The following CFAP107 variants were observed in gnomAD, a reference collection of about 807,000 sequenced individuals.
CFAP107 encodes cilia- and flagella-associated protein 107.
the CFAP107 span, among the ~76,000 whole-genome samples, chr1:12,749,049 A>G: frequency 2.6e-5 from 4 of 152,182 alleles, no homozygotes; most frequent in Non-Finnish European, 2.9e-5. Context: ...GCAGATTAAT[A>G]CATGCATTAA....
the CFAP107 span, among the ~76,000 whole-genome samples, chr1:12,754,508 TG>T: frequency 6.6e-6 from 1 of 152,232 alleles, no homozygotes; most frequent in African/African-American, 2.4e-5. Context: ...CACTTCTGGT[TG>T]TATGCCTAAA....
At chr1:12,755,839 C>A in the CFAP107 span, 2 of 1,516,524 alleles carry the variant, frequency 1.3e-6, no homozygotes, top group East Asian at 2.3e-5. Context: ...AACTGGGACA[C>A]TCAGGCCTGG....
the CFAP107 span, chr1:12,755,708 A>G: frequency 2.1e-4 from 340 of 1,609,778 alleles, 4 homozygotes; most frequent in South Asian, 3.5e-3. Flanking sequence ...AGTTCACCAG[A>G]GACACTGACA....
the CFAP107 span, chr1:12,763,275 G>A: frequency 6.6e-6 from 1 of 152,168 alleles, no homozygotes; most frequent in South Asian, 2.1e-4. Flanking sequence ...AATGTTTTAA[G>A]TAAGTTTACA....
chr1:12,749,220 C>A, the CFAP107 span, among the ~76,000 whole-genome samples: 1 of 152,106 alleles, frequency 6.6e-6, no homozygotes, highest in African/African-American at 2.4e-5. Context: ...CTCATTGAAG[C>A]ACTTTATAAT....
the CFAP107 span, chr1:12,760,884 CTATG>C: frequency 5.0e-6 from 8 of 1,614,176 alleles, no homozygotes; most frequent in African/African-American, 1.3e-5. Context: ...CCGTTGTGCG[CTATG>C]TCCTGGAGGG....
the CFAP107 span, chr1:12,755,550 C>T: frequency 1.2e-5 from 8 of 660,246 alleles, no homozygotes; most frequent in African/African-American, 1.5e-4. Flanking sequence ...CGTCCCCGAG[C>T]AAGCTCTTTC....
At chr1:12,757,742 T>C in the CFAP107 span, among the ~76,000 whole-genome samples, 1 of 152,134 alleles carries the variant, frequency 6.6e-6, no homozygotes, top group Non-Finnish European at 1.5e-5. Context: ...GATGGGGCCC[T>C]GAACATAACC....
At chr1:12,754,273 A>G in the CFAP107 span, among the ~76,000 whole-genome samples, 2 of 152,248 alleles carry the variant, frequency 1.3e-5, no homozygotes, top group African/African-American at 4.8e-5. Context: ...ACACATAAAC[A>G]TAGTCAACCT....
the CFAP107 span, among the ~76,000 whole-genome samples, chr1:12,750,751 G>A: frequency 6.6e-6 from 1 of 151,916 alleles, no homozygotes; most frequent in African/African-American, 2.4e-5. Context: ...AGAATTGAAG[G>A]GAGAAATAGA....
At chr1:12,758,429 T>C in the CFAP107 span, among the ~76,000 whole-genome samples, 1 of 152,176 alleles carries the variant, frequency 6.6e-6, no homozygotes, top group Admixed American at 6.5e-5. Context: ...AAATACACTA[T>C]GGGGTACCTG....
the CFAP107 span, chr1:12,761,234 A>G: frequency 3.1e-6 from 1 of 322,668 alleles, no homozygotes. Context: ...AGGGCCCTTA[A>G]GTTCTACCCT....
chr1:12,760,806 A>G, the CFAP107 span: 10 of 1,614,098 alleles, frequency 6.2e-6, no homozygotes, highest in Non-Finnish European at 6.8e-6. Context: ...GAGCAGCTCA[A>G]GCAGAGACAG....
the CFAP107 span, chr1:12,762,351 A>T: frequency 1.5e-5 from 1 of 68,550 alleles, no homozygotes; most frequent in African/African-American, 9.4e-5. Flanking sequence ...AGGAGGAGCC[A>T]GGGGGTGCAG....
chr1:12,751,725 A>G, the CFAP107 span, among the ~76,000 whole-genome samples: 2 of 152,260 alleles, frequency 1.3e-5, no homozygotes, highest in Admixed American at 6.5e-5. Context: ...ACGGAAAAAA[A>G]GAGAAGAGAT....
the CFAP107 span, chr1:12,746,309 C>T: frequency 1.5e-5 from 10 of 647,984 alleles, 1 homozygote; most frequent in African/African-American, 1.6e-4. Context: ...ACTAGCCATT[C>T]AGGAGGCCAG....
the CFAP107 span, among the ~76,000 whole-genome samples, chr1:12,757,325 T>TTTTTC: frequency 6.1e-5 from 9 of 148,480 alleles, no homozygotes; most frequent in South Asian, 4.4e-4. Context: ...TTCATTTCTT[T>TTTTTC]TTTTCTTTTC....
the CFAP107 span, chr1:12,759,476 T>G: frequency 6.2e-7 from 1 of 1,614,196 alleles, no homozygotes; most frequent in Non-Finnish European, 8.5e-7. Context: ...AAGTCTGACT[T>G]TCCCCTTCTT....
chr1:12,755,790 T>C, the CFAP107 span: 3 of 1,613,036 alleles, frequency 1.9e-6, no homozygotes, highest in Middle Eastern at 1.7e-4. Context: ...GATCTCCAGG[T>C]GGTATGGGAA....
Sources: gnomAD v4.1 joint callset for allele counts (sites outside exome capture counted in the v4.1 genomes callset) on GRCh38, gnomAD v4.1.1 for gene constraint, MANE v1.5 for transcripts, NCBI Gene and HGNC (gene_info 2026-07-23, HGNC 2026-07-21) for gene names.